Variants in TOP1 observed in about 807,000 individuals in gnomAD.
The protein encoded by TOP1 is DNA topoisomerase 1.
In TOP1, 10 loss-of-function variants were observed where a neutral mutation model predicts 111.1. That is an observed-to-expected ratio of 0.09 (90% CI 0.06 to 0.15). TOP1 has a LOEUF of 0.15. Ranked by LOEUF, TOP1 falls within the 10% of genes least tolerant of loss-of-function variation. TOP1 has a pLI of 1.00. For missense variants in TOP1, 474 were observed against 926.7 expected (o/e 0.51, Z 6.34); for synonymous variants, 271 against 302.9 (o/e 0.89, Z 1.10).
At chr20:41,051,973 C>T (rs1473768417) in intron 2 of TOP1, among the ~76,000 whole-genome samples, 1 of 152,178 alleles carries the variant, frequency 6.6e-6, no homozygotes, top group Admixed American at 6.5e-5. Flanking sequence ...GTTACAACTA[C>T]ACACAAATAT....
intron 13 of TOP1, among the ~76,000 whole-genome samples, chr20:41,105,492 T>G (rs2034131541): frequency 6.6e-6 from 1 of 152,174 alleles, no homozygotes; most frequent in African/African-American, 2.4e-5. Flanking sequence ...ATCTATTCTG[T>G]TGGTTTTTGT....
intron 3 of TOP1, chr20:41,072,284 G>C: frequency 1.0e-6 from 1 of 985,276 alleles, no homozygotes; most frequent in Non-Finnish European, 1.2e-6. Flanking sequence ...TCAGTATGAA[G>C]ATAATACAGT....
rs768474029 is a variant in TOP1, at chr20:41,100,277, G to C, written c.1163+34G>C. ...GCACTTCATCCTATGGGCCAAAAAGGGGGTGGAGGGCGTCCTTTATTGTAC... is the reference window on the plus strand; with the variant it reads ...GCACTTCATCCTATGGGCCAAAAAGCGGGTGGAGGGCGTCCTTTATTGTAC... On this transcript the variant is annotated intron_variant, in intron 12 of 20. Coordinates refer to ENST00000361337, the MANE Select transcript of TOP1 (RefSeq NM_003286.4). The surrounding 1 kb of genome is among the most constrained non-coding windows in gnomAD (Gnocchi z 4.4). 60 of 1,568,942 alleles carry C rather than the reference G, an allele frequency of 3.8e-5. No homozygotes were observed. The highest frequency in any genetic ancestry group is 3.3e-4 in the South Asian group (29 of 88,104).
chr20:41,044,168 C>T lies in TOP1; in HGVS notation c.58+14713C>T, dbSNP rs1014920144. ...GCAGACACCTGTAATCCCAGCTACTCGGGAGGCTGAGGCAGGAGAATCGCT... is the reference window on the plus strand; with the variant it reads ...GCAGACACCTGTAATCCCAGCTACTTGGGAGGCTGAGGCAGGAGAATCGCT... On this transcript the variant is annotated intron_variant, in intron 2 of 20. Coordinates refer to ENST00000361337, the MANE Select transcript of TOP1 (RefSeq NM_003286.4). Among the ~76,000 whole-genome samples, 6 of 151,960 alleles carry T rather than the reference C, an allele frequency of 3.9e-5. No homozygotes were observed. In the East Asian group the frequency reaches 9.6e-4, roughly 24 times the overall value.
At position 41,123,672 on chromosome 20, in the gene TOP1, A is replaced by G. The variant is rs984025951; in HGVS notation, c.*375A>G. On this transcript the variant is annotated 3_prime_UTR_variant, in exon 21 of 21. Transcript: ENST00000361337. The surrounding 1 kb of genome is among the most constrained non-coding windows in gnomAD (Gnocchi z 5.8). ...AGTCCGATTATATTGGTGCGTTTTT[A>G]CAGTTAGGGTTTTGCAATAACTTCT... is the stretch of plus-strand genomic sequence containing the variant. 1 of 238,624 alleles carries G rather than the reference A, an allele frequency of 4.2e-6. No individual in the cohort carries two copies. The highest frequency in any genetic ancestry group is 2.2e-5 in the African/African-American group (1 of 45,418). 14.8% of individuals were successfully genotyped at this position (238,624 alleles called of 1,614,324 possible). A position where few individuals can be genotyped will look rare whatever the true frequency, so the allele number is the denominator to read the frequency against.
chr20:41,028,835 A>T lies in TOP1; in HGVS notation c.-233A>T. The T allele has an allele frequency of 3.8e-6, 2 of 523,536 alleles. No homozygotes were observed. Among genetic ancestry groups the T allele is most frequent in the South Asian group, 2.3e-5 (1 of 42,616 alleles). The allele number at this position is 523,536 out of a possible 1,614,324, so 32.4% of individuals were successfully genotyped here. A position where few individuals can be genotyped will look rare whatever the true frequency, so the allele number is the denominator to read the frequency against. On this transcript the variant is annotated 5_prime_UTR_variant, in exon 1 of 21. The change abolishes the stop of an existing upstream ORF in the 5' untranslated region. Coordinates refer to ENST00000361337, the MANE Select transcript of TOP1 (RefSeq NM_003286.4). ...GCGCAGTGAGCCCAAATGCGAACTTAGGCTGTTACACAACTGCTGGGGTCT... is the reference window on the plus strand; with the variant it reads ...GCGCAGTGAGCCCAAATGCGAACTTTGGCTGTTACACAACTGCTGGGGTCT...
chr20:41,117,692 T>A (rs1039763850), intron 17 of TOP1, among the ~76,000 whole-genome samples: 5 of 152,072 alleles, frequency 3.3e-5, no homozygotes, highest in African/African-American at 1.2e-4. Context: ...GCCAAAATTT[T>A]TAAACTTTTA....
At chr20:41,091,322 C>A (rs997442481) in intron 8 of TOP1, among the ~76,000 whole-genome samples, 1 of 151,996 alleles carries the variant, frequency 6.6e-6, no homozygotes, top group African/African-American at 2.4e-5. Flanking sequence ...TGAGTTGGAT[C>A]CTGGTCTATA....
At chr20:41,054,830 T>C (rs891023731) in intron 2 of TOP1, among the ~76,000 whole-genome samples, 7 of 152,246 alleles carry the variant, frequency 4.6e-5, no homozygotes, top group Non-Finnish European at 1.0e-4. Flanking sequence ...GGATTTCTTT[T>C]TTTTCTTTCT....
chr20:41,055,564 A>G (rs1002664453), intron 2 of TOP1, among the ~76,000 whole-genome samples: 7 of 152,186 alleles, frequency 4.6e-5, no homozygotes, highest in African/African-American at 1.4e-4. Flanking sequence ...AGGCTGGTCC[A>G]TCATTTCTCC....
chr20:41,108,218 T>C (rs2034178367), intron 13 of TOP1, among the ~76,000 whole-genome samples: 1 of 152,134 alleles, frequency 6.6e-6, no homozygotes, highest in African/African-American at 2.4e-5. Flanking sequence ...ATTCTAAGAG[T>C]CGTCTTTGTT....
At chr20:41,066,557 C>CTTTTTTTTTTTTTTTTT (rs776922601) in intron 3 of TOP1, among the ~76,000 whole-genome samples, 1 of 129,402 alleles carries the variant, frequency 7.7e-6, no homozygotes, top group Non-Finnish European at 1.6e-5. Flanking sequence ...CTTTTCTTTT[C>CTTTTTTTTTTTTTTTTT]TTTTTTTTTT....
chr20:41,099,164 A>G (rs530325148), intron 11 of TOP1, among the ~76,000 whole-genome samples: 6 of 152,354 alleles, frequency 3.9e-5, no homozygotes, highest in Admixed American at 1.3e-4. Flanking sequence ...TTGTATTGAT[A>G]TAACTCATTG....
Position 41,114,249 on chromosome 20 carries a change from A to G in TOP1, c.1638+94A>G, listed in dbSNP as rs779101902. 48 of 1,149,164 alleles carry G rather than the reference A, an allele frequency of 4.2e-5. No homozygotes were observed. Among genetic ancestry groups the G allele is most frequent in the Non-Finnish European group, 5.9e-5 (47 of 793,932 alleles). 71.2% of individuals were successfully genotyped at this position (1,149,164 alleles called of 1,614,324 possible). ...TTGTGTGCTTTGCACTTTGCTGGGCACCAGCAAAAGTGACTTGAGACAGGC... is the reference window on the plus strand; with the variant it reads ...TTGTGTGCTTTGCACTTTGCTGGGCGCCAGCAAAAGTGACTTGAGACAGGC... On this transcript the variant is annotated intron_variant, in intron 15 of 20. Transcript: ENST00000361337. This position sits in a 1 kb window ranked among gnomAD's most constrained non-coding sequence, Gnocchi z 4.5.
chr20:41,061,288 A>C lies in TOP1; in HGVS notation c.59-106A>C. 9.2e-7 allele frequency: 1 copy of C among 1,088,262 alleles called. No individual in the cohort carries two copies. The highest frequency in any genetic ancestry group is 1.3e-6 in the Non-Finnish European group (1 of 745,424). The allele number at this position is 1,088,262 out of a possible 1,614,324, so 67.4% of individuals were successfully genotyped here. ...AGTGGCATGTGCTATTATGCCTACC[A>C]TGCCATTTGAATCCTGTCATTGTAC... On this transcript the variant is annotated intron_variant, in intron 2 of 20. Coordinates refer to ENST00000361337, the MANE Select transcript of TOP1 (RefSeq NM_003286.4). This position sits in a 1 kb window ranked among gnomAD's most constrained non-coding sequence, Gnocchi z 4.6.
chr20:41,059,409 A>AAAATAAATAAATAAAT (rs55866021), intron 2 of TOP1, among the ~76,000 whole-genome samples: 176 of 138,100 alleles, frequency 1.3e-3, no homozygotes, highest in Admixed American at 1.6e-3. Context: ...AAACTGCTAG[A>AAAATAAATAAATAAAT]AAATAAATAA....
At chr20:41,047,220 G>T (rs1210370159) in intron 2 of TOP1, among the ~76,000 whole-genome samples, 2 of 152,208 alleles carry the variant, frequency 1.3e-5, no homozygotes, top group African/African-American at 4.8e-5. Context: ...TTAAATTTAG[G>T]CATGTGCCAC....
At position 41,115,203 on chromosome 20, in the gene TOP1, A is replaced by G. The variant is rs2034309796; in HGVS notation, c.1639-168A>G. On this transcript the variant is annotated intron_variant, in intron 15 of 20. Transcript: ENST00000361337. This position sits in a 1 kb window ranked among gnomAD's most constrained non-coding sequence, Gnocchi z 6.3. ...ACATGGAGAGAGTGAGCATACATGC[A>G]CACTGTGCAAATGATGAATGGGGTA... 6.6e-6 allele frequency among the ~76,000 whole-genome samples: 1 copy of G among 152,144 alleles called. No homozygotes were observed. Among genetic ancestry groups the G allele is most frequent in the Admixed American group, 6.6e-5 (1 of 15,266 alleles).
chr20:41,073,166 CA>C (rs1462947017), intron 3 of TOP1: 1 of 985,146 alleles, frequency 1.0e-6, no homozygotes, highest in Non-Finnish European at 1.2e-6. Flanking sequence ...CTGAAAACCG[CA>C]GGGCTACATG....
Sources: gnomAD v4.1 joint callset for allele counts (sites outside exome capture counted in the v4.1 genomes callset) on GRCh38, gnomAD v4.1.1 for gene constraint, Gnocchi (gnomAD v3.1) non-coding constraint, MANE v1.5 for transcripts, NCBI Gene and HGNC (gene_info 2026-07-23, HGNC 2026-07-21) for gene names.